ACSL5: variants seen among roughly 807,000 people sequenced by gnomAD.
ACSL5 encodes the protein long-chain-fatty-acid--CoA ligase 5.
In ACSL5, 50 loss-of-function variants were observed where a neutral mutation model predicts 84.9. The ratio of observed to expected loss-of-function variants is 0.59; its 90% CI spans 0.47 to 0.75. ACSL5 has a LOEUF of 0.75. Among genes scored for constraint, ACSL5 ranks in the 30% least tolerant of loss-of-function variants. ACSL5 has a pLI of 0.00. For synonymous variants in ACSL5, 280 were observed against 300.7 expected (o/e 0.93, Z 0.71); for missense variants, 775 against 830.4 (o/e 0.93, Z 0.82).
intron 1 of ACSL5, among the ~76,000 whole-genome samples, chr10:112,375,881 G>T (rs1357115908): frequency 6.6e-6 from 1 of 152,206 alleles, no homozygotes; most frequent in Non-Finnish European, 1.5e-5. Flanking sequence ...GAAGGTGTTT[G>T]TGTGGGTCTG....
At chr10:112,384,610 C>T (rs546167433) in intron 1 of ACSL5, among the ~76,000 whole-genome samples, 4 of 152,294 alleles carry the variant, frequency 2.6e-5, no homozygotes, top group East Asian at 1.9e-4. Flanking sequence ...CTGGCTCAAG[C>T]GATCCTCCCA....
At chr10:112,411,583 A>G (rs1163317662) in intron 10 of ACSL5, 54 bp downstream of exon 10, 5 of 1,535,120 alleles carry the variant, frequency 3.3e-6, no homozygotes, top group African/African-American at 1.4e-5. Context: ...CTGTCATAAG[A>G]TTTTTATTTT....
At chr10:112,420,274 C>A (rs1181512793) in intron 14 of ACSL5, among the ~76,000 whole-genome samples, 2 of 152,190 alleles carry the variant, frequency 1.3e-5, no homozygotes, top group Non-Finnish European at 2.9e-5. Context: ...AGCCCTTGAA[C>A]TTGTTTCCTG....
In ACSL5 at chr10:112,410,386, G is replaced by A. The variant is rs758466365; in HGVS notation, c.712-77G>A. The A allele has an allele frequency of 1.9e-6, 3 of 1,607,050 alleles. No individual in the cohort carries two copies. The African/African-American group carries it at 4.0e-5, about 21-fold the overall frequency. ...CCATAGAGATGTTCTCACGGGAAAG[G>A]GAGGGAGAGGGCCACATTTATCACA... On this transcript the variant is annotated intron_variant, in intron 7 of 20. Coordinates refer to ENST00000354655, the MANE Select transcript of ACSL5 (RefSeq NM_203379.2).
intron 14 of ACSL5, among the ~76,000 whole-genome samples, chr10:112,420,528 G>C (rs776272339): frequency 1.3e-5 from 2 of 152,092 alleles, no homozygotes; most frequent in Admixed American, 6.6e-5. Context: ...TACAGATAAA[G>C]TTTGCCCACC....
intron 1 of ACSL5, among the ~76,000 whole-genome samples, chr10:112,394,442 G>C (rs1843702587): frequency 2.0e-5 from 3 of 152,222 alleles, no homozygotes; most frequent in Non-Finnish European, 4.4e-5. Flanking sequence ...TCTAAAACCT[G>C]TGGCATCACC....
chr10:112,409,906 T>G (rs7904918), intron 7 of ACSL5, among the ~76,000 whole-genome samples: 52,598 of 152,010 alleles, frequency 0.35, 9,531 homozygotes, highest in African/African-American at 0.47. Flanking sequence ...TATGGACTTC[T>G]AAGTGGATAA....
At chr10:112,385,124 C>A (rs973819976) in intron 1 of ACSL5, among the ~76,000 whole-genome samples, 1 of 152,170 alleles carries the variant, frequency 6.6e-6, no homozygotes, top group African/African-American at 2.4e-5. Context: ...ATAGTTAATA[C>A]ATGAACCTGC....
intron 14 of ACSL5, 136 bp from the exon 15 acceptor site, chr10:112,421,453 CCCCT>C: frequency 1.4e-6 from 1 of 696,842 alleles, no homozygotes; most frequent in East Asian, 2.7e-5. Flanking sequence ...GAGCCACCGC[CCCCT>C]CCAAGTTCAA....
chr10:112,417,104 G>A, intron 13 of ACSL5, 82 bp downstream of exon 13: 1 of 1,487,642 alleles, frequency 6.7e-7, no homozygotes, highest in Non-Finnish European at 9.2e-7. Flanking sequence ...TTCCTCTGCT[G>A]CTTGAGCGTC....
At chr10:112,425,892 A>G (rs1436467192) in intron 18 of ACSL5, among the ~76,000 whole-genome samples, 2 of 152,208 alleles carry the variant, frequency 1.3e-5, no homozygotes, top group South Asian at 2.1e-4. Context: ...TATACATACT[A>G]TGCTTAAACG....
At chr10:112,413,659 A>G (rs1216430835) in intron 12 of ACSL5, among the ~76,000 whole-genome samples, 5 of 152,196 alleles carry the variant, frequency 3.3e-5, no homozygotes, top group African/African-American at 1.2e-4. Context: ...CGGGAGGCGG[A>G]GGTTGCAGTG....
intron 12 of ACSL5, among the ~76,000 whole-genome samples, 187 bp downstream of exon 12, chr10:112,413,494 G>A (rs996972326): frequency 1.3e-5 from 2 of 152,222 alleles, no homozygotes; most frequent in Non-Finnish European, 2.9e-5. Context: ...GGGAGGCCAA[G>A]GCAGGCAGAT....
Position 112,399,019 on chromosome 10 carries a change from G to A in ACSL5, c.265+10G>A. On this transcript the variant is annotated intron_variant, in intron 3 of 20. Transcript: ENST00000354655. ...GGACTCGCTGTGTCTGGTAAGCCTG[G>A]TGGTCTGTCCTTGCCTGAAGAAGAC... 6 of 1,609,214 alleles carry A rather than the reference G, an allele frequency of 3.7e-6. No homozygotes were observed. Among genetic ancestry groups the A allele is most frequent in the Non-Finnish European group, 5.1e-6 (6 of 1,175,720 alleles).
intron 1 of ACSL5, among the ~76,000 whole-genome samples, chr10:112,385,613 C>T (rs904305550): frequency 6.6e-6 from 1 of 152,136 alleles, no homozygotes; most frequent in Non-Finnish European, 1.5e-5. Flanking sequence ...TTGTAAATAA[C>T]TTGCTTGTTT....
At chr10:112,421,362 T>G (rs2133661011) in intron 14 of ACSL5, among the ~76,000 whole-genome samples, 1 of 152,074 alleles carries the variant, frequency 6.6e-6, no homozygotes, top group East Asian at 1.9e-4. Flanking sequence ...GGTTTCACCA[T>G]GTTGGCCAGG....
In ACSL5 at chr10:112,422,415, A is replaced by G. The variant is rs1212555387; in HGVS notation, c.1567A>G (p.Thr523Ala). Residue 523 changes from threonine to alanine, a missense_variant, in exon 17 of 21, where the codon ACA becomes GCA. Thr to Ala is a moderately conservative substitution (Grantham distance 58). Transcript: ENST00000354655. ...EALDSDGWLHTGDIGRWLPNG... is the reference protein window; with the variant it reads ...EALDSDGWLHAGDIGRWLPNG... ...CCTGGACAGTGATGGCTGGCTTCACACAGGAGACATTGGTCGCTGGCTCCC... is the reference window on the plus strand; with the variant it reads ...CCTGGACAGTGATGGCTGGCTTCACGCAGGAGACATTGGTCGCTGGCTCCC... 1 of 1,614,080 alleles carries G rather than the reference A, an allele frequency of 6.2e-7. No individual in the cohort carries two copies. Among genetic ancestry groups the G allele is most frequent in the South Asian group, 1.1e-5 (1 of 91,086 alleles).
intron 5 of ACSL5, among the ~76,000 whole-genome samples, chr10:112,405,661 A>G (rs1844017410): frequency 6.6e-6 from 1 of 152,136 alleles, no homozygotes; most frequent in South Asian, 2.1e-4. Flanking sequence ...TAATCCTTGA[A>G]CAACATGGGG....
intron 14 of ACSL5, chr10:112,418,955 A>C (rs1251592996): frequency 6.6e-6 from 1 of 152,224 alleles, no homozygotes; most frequent in Non-Finnish European, 1.5e-5. Flanking sequence ...TGTGTTGTGC[A>C]AGGGTCAACC....
Sources: gnomAD v4.1 joint callset for allele counts (sites outside exome capture counted in the v4.1 genomes callset) on GRCh38, gnomAD v4.1.1 for gene constraint, MANE v1.5 for transcripts, NCBI Gene and HGNC (gene_info 2026-07-23, HGNC 2026-07-21) for gene names.